The following ZNF714 variants were observed in gnomAD, a reference collection of about 807,000 sequenced individuals.
ZNF714 encodes zinc finger protein 714.
A neutral mutation model predicts 46.2 loss-of-function variants in ZNF714; 32 were observed. The ratio of observed to expected loss-of-function variants is 0.69; its 90% confidence interval spans 0.52 to 0.93. The LOEUF is 0.93. ZNF714 is among the 40% of genes least tolerant of loss of function. The pLI is 0.00. For missense variants in ZNF714, 635 were observed against 646.3 expected (o/e 0.98, Z 0.19); for synonymous variants, 199 against 213.1 (o/e 0.93, Z 0.58).
In ZNF714 at chr19:21,118,314, T is replaced by C; in HGVS notation, c.1650T>C (p.Cys550=). The change falls in exon 5 of 5, where the codon TGT becomes TGC. Residue 550 remains cysteine, a synonymous_variant. Coordinates refer to ENST00000456283, the MANE Select transcript of ZNF714 (RefSeq NM_182515.4). ...SLLKIQKFAG[C]GGRRL is the part of the protein sequence containing the mutation. ...TAAAAATACAAAAATTTGCTGGGTG[T>C]GGTGGCAGGCGCCTGTAATCCCAGC... 1.1e-6 allele frequency: 1 copy of C among 941,308 alleles called. No individual in the cohort carries two copies. 58.3% of individuals were successfully genotyped at this position (941,308 alleles called of 1,614,324 possible).
At chr19:21,086,413 A>G (rs969419449) in intron 2 of ZNF714, among the ~76,000 whole-genome samples, 16 of 152,196 alleles carry the variant, frequency 1.1e-4, no homozygotes, top group African/African-American at 3.9e-4. Flanking sequence ...TGCTGGTTGC[A>G]CATTTTTATG....
Position 21,122,177 on chromosome 19 carries a change from T to G in ZNF714, c.*3845T>G, listed in dbSNP as rs948049621. 2 of 152,230 alleles carry G rather than the reference T, an allele frequency of 1.3e-5. No individual in the cohort carries two copies. The highest frequency in any genetic ancestry group is 2.9e-5 in the Non-Finnish European group (2 of 68,044). The allele number at this position is 152,230 out of a possible 1,614,324, so 9.4% of individuals were successfully genotyped here. ...TCATGAGGATGTTTTTATATATAAA[T>G]GTAGCAAACATACATTACAGTTCTT... On this transcript the variant is annotated 3_prime_UTR_variant, in exon 5 of 5. Coordinates refer to ENST00000456283, the MANE Select transcript of ZNF714 (RefSeq NM_182515.4).
At chr19:21,088,069 G>T (rs1262727837) in intron 2 of ZNF714, among the ~76,000 whole-genome samples, 1 of 152,150 alleles carries the variant, frequency 6.6e-6, no homozygotes, top group African/African-American at 2.4e-5. Flanking sequence ...AGGGGGTGTG[G>T]CTAACTTGAT....
At chr19:21,110,699 T>G (rs1296374530) in intron 4 of ZNF714, among the ~76,000 whole-genome samples, 1 of 152,172 alleles carries the variant, frequency 6.6e-6, no homozygotes, top group Non-Finnish European at 1.5e-5. Flanking sequence ...AAATTTTATT[T>G]TAGGGTTCTT....
intron 2 of ZNF714, among the ~76,000 whole-genome samples, chr19:21,092,832 G>A (rs918572582): frequency 1.4e-5 from 2 of 148,118 alleles, no homozygotes; most frequent in African/African-American, 5.0e-5. Flanking sequence ...CATGCATTTG[G>A]TTTTCTGTTT....
chr19:21,110,754 A>G (rs1969432684), intron 4 of ZNF714, among the ~76,000 whole-genome samples: 1 of 152,164 alleles, frequency 6.6e-6, no homozygotes, highest in Non-Finnish European at 1.5e-5. Flanking sequence ...ATCTTGAGTT[A>G]ATTTTTGTAT....
chr19:21,095,276 A>G (rs1271634047), intron 2 of ZNF714, among the ~76,000 whole-genome samples: 8 of 152,074 alleles, frequency 5.3e-5, no homozygotes, highest in Admixed American at 4.6e-4. Flanking sequence ...TCCTATTCCC[A>G]TTATCTCAAG....
At position 21,082,259 on chromosome 19, in the gene ZNF714, T is replaced by G; in HGVS notation, c.-266T>G. 7.4e-7 allele frequency: 1 copy of G among 1,347,618 alleles called. No individual in the cohort carries two copies. Among genetic ancestry groups the G allele is most frequent in the Non-Finnish European group, 1.0e-6 (1 of 987,594 alleles). The allele number at this position is 1,347,618 out of a possible 1,614,324, so 83.5% of individuals were successfully genotyped here. A position where few individuals can be genotyped will look rare whatever the true frequency, so the allele number is the denominator to read the frequency against. On this transcript the variant is annotated 5_prime_UTR_variant, in exon 1 of 5. Transcript: ENST00000456283. The stretch of plus-strand genomic sequence containing the variant: ...GCCTTCACTGCCCTGTGTCCTCTGC[T>G]CGCAGAGGCCCAGCCTCTGTGGCCC...
Position 21,117,501 on chromosome 19 carries a change from T to A in ZNF714, c.837T>A (p.His279Gln). The A allele has an allele frequency of 6.2e-7, 1 of 1,609,016 alleles. No individual in the cohort carries two copies. The highest frequency in any genetic ancestry group is 1.3e-5 in the African/African-American group (1 of 74,928). Reference sequence around the variant, plus strand: ...CCCTTACTACACATAAGTTCATTCATGTTAAAGAAAAACCCTACAAATGTG... The same window carrying A: ...CCCTTACTACACATAAGTTCATTCAAGTTAAAGAAAAACCCTACAAATGTG... Reference protein sequence around the residue: ...PSALTTHKFIHVKEKPYKCEE... With the variant: ...PSALTTHKFIQVKEKPYKCEE... Residue 279 changes from histidine (H) to glutamine (Q), a missense_variant, in exon 5 of 5, where the codon CAT becomes CAA. Physicochemically the swap from His to Gln is conservative, Grantham distance 24. Coordinates refer to ENST00000456283, the MANE Select transcript of ZNF714 (RefSeq NM_182515.4).
intron 2 of ZNF714, among the ~76,000 whole-genome samples, chr19:21,085,118 G>C (rs1286887309): frequency 1.3e-5 from 2 of 152,112 alleles, no homozygotes; most frequent in Non-Finnish European, 2.9e-5. Context: ...CTTTTAGAAT[G>C]CTAGCTACCG....
chr19:21,123,977 A>G lies in ZNF714; in HGVS notation c.*5645A>G, dbSNP rs1969751749. On this transcript the variant is annotated 3_prime_UTR_variant, in exon 5 of 5. Coordinates refer to ENST00000456283, the MANE Select transcript of ZNF714 (RefSeq NM_182515.4). ...AAACATTCTGTTATTTTGCATGCAAACTAGTTTACTGTGTTCACAGACTGG... is the reference window on the plus strand; with the variant it reads ...AAACATTCTGTTATTTTGCATGCAAGCTAGTTTACTGTGTTCACAGACTGG... 1 of 152,164 alleles carries G rather than the reference A, an allele frequency of 6.6e-6. No homozygotes were observed. The highest frequency in any genetic ancestry group is 2.4e-5 in the African/African-American group (1 of 41,448). The allele number at this position is 152,164 out of a possible 1,614,324, so 9.4% of individuals were successfully genotyped here.
intron 2 of ZNF714, among the ~76,000 whole-genome samples, chr19:21,086,747 C>T (rs1351737898): frequency 6.6e-6 from 1 of 152,146 alleles, no homozygotes; most frequent in Non-Finnish European, 1.5e-5. Context: ...TTTTATCCAG[C>T]CCCTATTCAA....
chr19:21,082,609 C>T (rs1968680188), intron 1 of ZNF714, among the ~76,000 whole-genome samples: 1 of 152,166 alleles, frequency 6.6e-6, no homozygotes, highest in Admixed American at 6.5e-5. Flanking sequence ...TCTGGACCCT[C>T]AGCGGCGCGT....
intron 4 of ZNF714, 88 bp from the exon 5 acceptor site, chr19:21,116,719 T>C: frequency 7.2e-7 from 1 of 1,395,074 alleles, no homozygotes; most frequent in Non-Finnish European, 9.5e-7. Flanking sequence ...ATCTTGCTTA[T>C]GTAGTTTGTA....
rs948622314 is a variant in ZNF714 at position 21,118,800 on chromosome 19, C to G, written c.*468C>G. 1.5e-5 allele frequency: 3 copies of G among 198,412 alleles called. No individual in the cohort carries two copies. Among genetic ancestry groups the G allele is most frequent in the African/African-American group, 7.2e-5 (3 of 41,642 alleles). The allele number at this position is 198,412 out of a possible 1,614,324, so 12.3% of individuals were successfully genotyped here. On this transcript the variant is annotated 3_prime_UTR_variant, in exon 5 of 5. Transcript: ENST00000456283. ...TTGACAACACCTCAAACTTTTCTAA[C>G]CATAAAAGAAATTATACTGGTGAGA...
rs759144223 is a variant in ZNF714 at position 21,098,354 on chromosome 19, G to A, written c.43+43G>A. 8.2e-6 allele frequency: 13 copies of A among 1,579,874 alleles called. No homozygotes were observed. In the African/African-American group the frequency reaches 1.2e-4, roughly 15 times the overall value. On this transcript the variant is annotated intron_variant, in intron 3 of 4. Coordinates refer to ENST00000456283, the MANE Select transcript of ZNF714 (RefSeq NM_182515.4). ...ACATAAGTCTTAATATACCCTAAAC[G>A]TTTTATGTCTCTTTTTTTGTAGAAT...
Position 21,119,091 on chromosome 19 carries a change from G to A in ZNF714, c.*759G>A, listed in dbSNP as rs1969665452. 2.2e-6 allele frequency: 1 copy of A among 452,652 alleles called. No homozygotes were observed. The highest frequency in any genetic ancestry group is 4.4e-6 in the Non-Finnish European group (1 of 225,416). The allele number at this position is 452,652 out of a possible 1,614,324, so 28.0% of individuals were successfully genotyped here. A position where few individuals can be genotyped will look rare whatever the true frequency, so the allele number is the denominator to read the frequency against. ...TAAAAGCATTATAAGTACAATTACTGTCAAAAGACCTTTCAGAAAATACAA... is the reference window on the plus strand; with the variant it reads ...TAAAAGCATTATAAGTACAATTACTATCAAAAGACCTTTCAGAAAATACAA... On this transcript the variant is annotated 3_prime_UTR_variant, in exon 5 of 5. Coordinates refer to ENST00000456283, the MANE Select transcript of ZNF714 (RefSeq NM_182515.4).
intron 4 of ZNF714, among the ~76,000 whole-genome samples, chr19:21,105,136 T>C (rs1392379631): frequency 6.6e-6 from 1 of 150,612 alleles, no homozygotes; most frequent in East Asian, 2.0e-4. Flanking sequence ...GTGATTCTCC[T>C]GCCTCAGCCT....
In ZNF714 at chr19:21,117,840, T is replaced by C. The variant is rs780963930; in HGVS notation, c.1176T>C (p.Thr392=). 1.2e-6 allele frequency: 2 copies of C among 1,612,312 alleles called. No individual in the cohort carries two copies. The highest frequency in any genetic ancestry group is 3.3e-5 in the Admixed American group (2 of 59,968). Residue 392 remains threonine, a synonymous_variant, in exon 5 of 5, where the codon ACT becomes ACC. Coordinates refer to ENST00000456283, the MANE Select transcript of ZNF714 (RefSeq NM_182515.4). ...SKLTIHKIIH[T]GEKPYKCEEC... is the part of the protein sequence containing the mutation. ...TTACTATACATAAGATAATTCATACTGGAGAGAAACCTTACAAATGTGAAG... is the reference window on the plus strand; with the variant it reads ...TTACTATACATAAGATAATTCATACCGGAGAGAAACCTTACAAATGTGAAG...
Sources: allele counts gnomAD v4.1 joint callset (sites outside exome capture counted in the v4.1 genomes callset), GRCh38; gene constraint gnomAD v4.1.1; transcripts MANE v1.5; gene names NCBI Gene and HGNC (gene_info 2026-07-23, HGNC 2026-07-21).